Variants in OIP5 observed in about 807,000 individuals in gnomAD.
The protein encoded by OIP5 is protein Mis18-beta.
In OIP5, 24 loss-of-function variants were observed where a neutral mutation model predicts 20.3. The observed-to-expected ratio is 1.18, with a 90% CI of 0.86 to 1.66. OIP5 has a LOEUF of 1.66. Ranked by LOEUF, OIP5 falls within the 40% of genes most tolerant of loss-of-function variation. The probability of loss-of-function intolerance (pLI) is 0.00; values close to 1 mark genes in which losing one functional copy is unlikely to be tolerated. For missense variants in OIP5, 339 were observed against 289.5 expected (o/e 1.17, Z -1.24); for synonymous variants, 143 against 121.3 (o/e 1.18, Z -1.17).
At chr15:41,321,230 G>A (rs1470485063) in intron 2 of OIP5, among the ~76,000 whole-genome samples, 3 of 148,206 alleles carry the variant, frequency 2.0e-5, no homozygotes, top group South Asian at 2.1e-4. Flanking sequence ...CCGGCCAGCC[G>A]CCCCGTCCGG....
At chr15:41,332,025 T>C (rs1383437533) in intron 1 of OIP5, 44 bp from the exon 2 acceptor site, 2 of 1,587,848 alleles carry the variant, frequency 1.3e-6, no homozygotes, top group Non-Finnish European at 1.7e-6. Flanking sequence ...CTGCGGGCCT[T>C]GAAATGGAAA....
chr15:41,323,749 ATGTGAGTCAC>A (rs1470224228), intron 2 of OIP5, among the ~76,000 whole-genome samples: 1 of 151,642 alleles, frequency 6.6e-6, no homozygotes, highest in African/African-American at 2.4e-5. Context: ...GGGATTACAC[ATGTGAGTCAC>A]TGTGACCAGC....
At chr15:41,317,291 A>G (rs1055936256) in intron 3 of OIP5, among the ~76,000 whole-genome samples, 2 of 151,940 alleles carry the variant, frequency 1.3e-5, no homozygotes, top group Admixed American at 1.3e-4. Context: ...CACTAGTACT[A>G]TCTACACGTA....
chr15:41,315,945 G>C (rs1300678031), intron 3 of OIP5, among the ~76,000 whole-genome samples: 1 of 152,038 alleles, frequency 6.6e-6, no homozygotes, highest in African/African-American at 2.4e-5. Context: ...GGCTAACACG[G>C]TAAAACCCCG....
At chr15:41,315,266 A>C (rs1595499391) in intron 3 of OIP5, among the ~76,000 whole-genome samples, 1 of 151,644 alleles carries the variant, frequency 6.6e-6, no homozygotes, top group African/African-American at 2.4e-5. Context: ...CCCATTTCTA[A>C]TAAAAATACA....
At position 41,309,805 on chromosome 15, in the gene OIP5, T is replaced by C. The variant is rs1012640993; in HGVS notation, c.639A>G (p.Leu213=). ...IVLTHNRLKS[L]MKILSEVTPD... ...GAGTCACTTCACTCAGAATCTTCAT[T>C]AGTGATTTTAAGCGATTGTGCGTTA... The change falls in exon 5 of 5, where the codon CTA becomes CTG. Residue 213 remains leucine (L), a synonymous_variant. Coordinates refer to ENST00000220514, the MANE Select transcript of OIP5 (RefSeq NM_007280.2). 5 of 1,613,900 alleles carry C rather than the reference T, an allele frequency of 3.1e-6. No individual in the cohort carries two copies. The Admixed American group carries it at 5.0e-5, about 16-fold the overall frequency.
intron 4 of OIP5, among the ~76,000 whole-genome samples, chr15:41,310,318 G>A (rs762375190): frequency 1.3e-5 from 2 of 152,238 alleles, no homozygotes; most frequent in African/African-American, 2.4e-5. Flanking sequence ...ATACAACAAC[G>A]TAGCGCACAG....
At chr15:41,316,564 C>T (rs565938893) in intron 3 of OIP5, among the ~76,000 whole-genome samples, 8 of 152,042 alleles carry the variant, frequency 5.3e-5, no homozygotes, top group South Asian at 4.2e-4. Flanking sequence ...CCAAGGCGGG[C>T]GGATCACGAG....
chr15:41,313,544 C>G (rs2047772349), intron 3 of OIP5, among the ~76,000 whole-genome samples, 190 bp from the exon 4 acceptor site: 2 of 152,064 alleles, frequency 1.3e-5, no homozygotes, highest in African/African-American at 2.4e-5. Flanking sequence ...CAAACAACCA[C>G]AGACTAAAAA....
intron 2 of OIP5, among the ~76,000 whole-genome samples, chr15:41,322,706 G>A (rs867192088): frequency 1.3e-5 from 2 of 152,008 alleles, no homozygotes; most frequent in African/African-American, 2.4e-5. Flanking sequence ...AGGCCAAGGC[G>A]GGTGGATCAC....
At chr15:41,318,655 A>G (rs914592508) in intron 3 of OIP5, among the ~76,000 whole-genome samples, 2 of 151,976 alleles carry the variant, frequency 1.3e-5, no homozygotes, top group Non-Finnish European at 2.9e-5. Context: ...CTTTTAAGAT[A>G]TGGTATGATA....
intron 2 of OIP5, among the ~76,000 whole-genome samples, chr15:41,329,313 GTT>G (rs760717935): frequency 3.3e-5 from 4 of 121,262 alleles, no homozygotes; most frequent in Non-Finnish European, 3.5e-5. Flanking sequence ...TTTCCCTCTA[GTT>G]TTTTTTTTTT....
Position 41,313,123 on chromosome 15 carries a change from G to C in OIP5, c.594+150C>G, listed in dbSNP as rs1375945956. On this transcript the variant is annotated intron_variant, in intron 4 of 4. Transcript: ENST00000220514. Reference sequence around the variant, plus strand: ...CCTTACAGTGTGGTTTTAGTATTTTGTTTTTCATTACAAATTCAATAGGGA... The same window carrying C: ...CCTTACAGTGTGGTTTTAGTATTTTCTTTTTCATTACAAATTCAATAGGGA... 3 of 628,580 alleles carry C rather than the reference G, an allele frequency of 4.8e-6. No homozygotes were observed. The African/African-American group carries it at 5.6e-5, about 12-fold the overall frequency. 38.9% of individuals were successfully genotyped at this position (628,580 alleles called of 1,614,324 possible).
chr15:41,324,045 G>A (rs1007328222), intron 2 of OIP5, among the ~76,000 whole-genome samples: 3 of 140,784 alleles, frequency 2.1e-5, no homozygotes, highest in African/African-American at 8.0e-5. Flanking sequence ...AGGCTGGAGT[G>A]TGGTGGCACA....
chr15:41,329,849 C>T (rs988880392), intron 2 of OIP5, among the ~76,000 whole-genome samples: 7 of 151,454 alleles, frequency 4.6e-5, no homozygotes, highest in East Asian at 2.0e-4. Flanking sequence ...TACAGGCGCC[C>T]GCCACCACGC....
At chr15:41,309,991 T>C in intron 4 of OIP5, 142 bp from the exon 5 acceptor site, 3 of 562,546 alleles carry the variant, frequency 5.3e-6, no homozygotes, top group Non-Finnish European at 9.4e-6. Context: ...TGCTCTCAAG[T>C]GATCCTCCCA....
Position 41,309,770 on chromosome 15 carries a change from G to T in OIP5, c.674C>A (p.Ser225Tyr). 3 of 1,613,216 alleles carry T rather than the reference G, an allele frequency of 1.9e-6. No individual in the cohort carries two copies. Among genetic ancestry groups the T allele is most frequent in the South Asian group, 1.1e-5 (1 of 91,048 alleles). ...KILSEVTPDQ[S>Y]KPEN ...GGTACAGGATCAGTTTTCTGGCTTG[G>T]ACTGGTCAGGAGTCACTTCACTCAG... is the stretch of plus-strand genomic sequence containing the variant. Residue 225 changes from serine to tyrosine, a missense_variant, in exon 5 of 5, where the codon TCC (serine) becomes TAC (tyrosine). Physicochemically the swap from Ser to Tyr is moderately radical, Grantham distance 144. Coordinates refer to ENST00000220514, the MANE Select transcript of OIP5 (RefSeq NM_007280.2).
chr15:41,316,091 G>A (rs1164711006), intron 3 of OIP5, among the ~76,000 whole-genome samples: 1 of 152,032 alleles, frequency 6.6e-6, no homozygotes, highest in African/African-American at 2.4e-5. Context: ...TGGTGCCACT[G>A]CACTCCAGCT....
intron 2 of OIP5, among the ~76,000 whole-genome samples, chr15:41,327,785 C>T (rs2047871373): frequency 6.7e-6 from 1 of 149,006 alleles, no homozygotes; most frequent in Non-Finnish European, 1.5e-5. Context: ...AAGACTCCAT[C>T]TCAAAAAAAT....
Sources: gnomAD v4.1 joint callset for allele counts (sites outside exome capture counted in the v4.1 genomes callset) on GRCh38, gnomAD v4.1.1 for gene constraint, MANE v1.5 for transcripts, NCBI Gene and HGNC (gene_info 2026-07-23, HGNC 2026-07-21) for gene names.